AHNAK2: variants seen among roughly 807,000 people sequenced by gnomAD.
The protein encoded by AHNAK2 is AHNAK nucleoprotein 2.
A neutral mutation model predicts 30.7 loss-of-function variants in AHNAK2; 18 were observed. The observed-to-expected ratio is 0.59, with a 90% CI of 0.41 to 0.87. The LOEUF (loss-of-function observed/expected upper bound fraction) is 0.87, where lower values mean the gene tolerates loss of function less well. Among genes scored for constraint, AHNAK2 ranks in the 40% least tolerant of loss-of-function variants. AHNAK2 has a pLI of 0.00. For missense variants in AHNAK2, 8,604 were observed against 7,373.0 expected (o/e 1.17, Z -6.11); for synonymous variants, 3,590 against 3,073.8 (o/e 1.17, Z -5.56).
At chr14:104,971,121 A>G (rs1482685272) in intron 1 of AHNAK2, among the ~76,000 whole-genome samples, 1 of 151,992 alleles carries the variant, frequency 6.6e-6, no homozygotes, top group Non-Finnish European at 1.5e-5. Flanking sequence ...GGGGCTCAGG[A>G]AGCAGCATTT....
Position 104,942,723 on chromosome 14 carries a change from A to G in AHNAK2, c.12728T>C (p.Leu4243Pro). Residue 4243 changes from leucine (L) to proline (P), a missense_variant, in exon 7 of 7, where the codon CTG (leucine) becomes CCG (proline). Physicochemically the swap from Leu to Pro is moderately conservative, Grantham distance 98. Transcript: ENST00000333244. Reference sequence around the variant, plus strand: ...ATCCGCCTTGGGGCCTTTCAGGTCCAGCTTGGGGCCCTTGACATCCACCTG... The same window carrying G: ...ATCCGCCTTGGGGCCTTTCAGGTCCGGCTTGGGGCCCTTGACATCCACCTG... The part of the protein sequence containing the change: ...GPQVDVKGPK[L>P]DLKGPKADVM... 1.2e-6 allele frequency: 2 copies of G among 1,613,230 alleles called. No individual in the cohort carries two copies. The highest frequency in any genetic ancestry group is 1.7e-6 in the Non-Finnish European group (2 of 1,179,672).
In AHNAK2 at chr14:104,947,493, A is replaced by G. The variant is rs1425450777; in HGVS notation, c.7958T>C (p.Phe2653Ser). 2.5e-6 allele frequency: 4 copies of G among 1,612,198 alleles called. No individual in the cohort carries two copies. Among genetic ancestry groups the G allele is most frequent in the Non-Finnish European group, 3.4e-6 (4 of 1,179,520 alleles). The part of the protein sequence containing the change: ...AKDSKFKMPK[F>S]KMPSFRVSAP... Reference sequence around the variant, plus strand: ...CGACACCCTGAATGATGGCATCTTGAACTTGGGCATTTTGAACTTGCTATC... The same window carrying G: ...CGACACCCTGAATGATGGCATCTTGGACTTGGGCATTTTGAACTTGCTATC... Residue 2653 changes from phenylalanine to serine, a missense_variant, in exon 7 of 7, where the codon TTC becomes TCC. Transcript: ENST00000333244.
In AHNAK2 at chr14:104,943,220, C is replaced by G; in HGVS notation, c.12231G>C (p.Lys4077Asn). The change falls in exon 7 of 7, where the codon AAG (lysine) becomes AAC (asparagine). Residue 4077 changes from lysine (K) to asparagine (N), a missense_variant. Coordinates refer to ENST00000333244, the MANE Select transcript of AHNAK2 (RefSeq NM_138420.4). Reference sequence around the variant, plus strand: ...CCGCCTTGGGGCCTTTCAGGTCCAGCTTGGGGCCCTTAACATCTATCTGGG... The same window carrying G: ...CCGCCTTGGGGCCTTTCAGGTCCAGGTTGGGGCCCTTAACATCTATCTGGG... ...KGPQIDVKGP[K>N]LDLKGPKAEV... The G allele has an allele frequency of 1.2e-6, 2 of 1,613,162 alleles. No homozygotes were observed. Among genetic ancestry groups the G allele is most frequent in the Non-Finnish European group, 1.7e-6 (2 of 1,179,606 alleles).
rs773406298 is a variant in AHNAK2 at position 104,940,551 on chromosome 14, G to A, written c.14900C>T (p.Pro4967Leu). ...KIKLPSFRWS[P>L]KKETGPKVDP... The stretch of plus-strand genomic sequence containing the variant: ...CACCTTTGGCCCTGTTTCCTTCTTC[G>A]GGGACCACCTAAATGATGGAAGCTT... Residue 4967 changes from proline (P) to leucine (L), a missense_variant, in exon 7 of 7, where the codon CCG (proline) becomes CTG (leucine). By Grantham distance (98) the Pro-to-Leu change is moderately conservative (BLOSUM62 -3). Coordinates refer to ENST00000333244, the MANE Select transcript of AHNAK2 (RefSeq NM_138420.4). The surrounding 1 kb of genome is among the most constrained non-coding windows in gnomAD (Gnocchi z 4.4). The A allele has an allele frequency of 1.2e-5, 20 of 1,613,486 alleles. No individual in the cohort carries two copies. The highest frequency in any genetic ancestry group is 5.0e-5 in the Admixed American group (3 of 59,996).
chr14:104,977,819 G>C (rs1899634054), intron 1 of AHNAK2, among the ~76,000 whole-genome samples: 2 of 152,286 alleles, frequency 1.3e-5, no homozygotes, highest in South Asian at 2.1e-4. Flanking sequence ...GCCGCCTCTC[G>C]ACCAGACAGC....
rs1448652636 is a variant in AHNAK2 at position 104,940,711 on chromosome 14, G to A, written c.14740C>T (p.Pro4914Ser). 6.2e-7 allele frequency: 1 copy of A among 1,612,958 alleles called. No homozygotes were observed. The highest frequency in any genetic ancestry group is 1.7e-5 in the Admixed American group (1 of 60,018). Residue 4914 changes from proline (P) to serine (S), a missense_variant, in exon 7 of 7, where the codon CCA (proline) becomes TCA (serine). By Grantham distance (74) the Pro-to-Ser change is moderately conservative. Transcript: ENST00000333244. This position sits in a 1 kb window ranked among gnomAD's most constrained non-coding sequence, Gnocchi z 4.4. Reference sequence around the variant, plus strand: ...GGGCCCTGAGACACACAGGTGCCTGGGGATGGCAGCTGGGTGCTTGGCAAG... The same window carrying A: ...GGGCCCTGAGACACACAGGTGCCTGAGGATGGCAGCTGGGTGCTTGGCAAG... ...CPLPSTQLPS[P>S]GTCVSQGPEE...
rs150499924 is a variant in AHNAK2, at chr14:104,942,647, G to A, written c.12804C>T (p.Val4268=). 2,208 of 1,613,406 alleles carry A rather than the reference G, an allele frequency of 1.4e-3. 30 individuals carry two copies. The African/African-American group carries it at 0.024, about 18-fold the overall frequency. Residue 4268 remains valine (V), a synonymous_variant, in exon 7 of 7, where the codon GTC becomes GTT. Coordinates refer to ENST00000333244, the MANE Select transcript of AHNAK2 (RefSeq NM_138420.4). ...TGTCCAGCTTGGCTCCCGGGGCCTC[G>A]ACGTCCACCTCCATGCTGGGCAGAG... ...EVSLPSMEVD[V]EAPGAKLDSV... is the part of the protein sequence containing the mutation.
rs1160039011 is a variant in AHNAK2 at position 104,945,866 on chromosome 14, G to T, written c.9585C>A (p.Pro3195=). 1 of 1,338,814 alleles carries T rather than the reference G, an allele frequency of 7.5e-7. No individual in the cohort carries two copies. The highest frequency in any genetic ancestry group is 1.0e-6 in the Non-Finnish European group (1 of 961,372). The allele number at this position is 1,338,814 out of a possible 1,614,324, so 82.9% of individuals were successfully genotyped here. A position where few individuals can be genotyped will look rare whatever the true frequency, so the allele number is the denominator to read the frequency against. ...CCTGGACCTCCAGTTGGGCAGAGGGGGGCTCAATGCTGATGTCAGTGTTCT... is the reference window on the plus strand; with the variant it reads ...CCTGGACCTCCAGTTGGGCAGAGGGTGGCTCAATGCTGATGTCAGTGTTCT... ...DLKNTDISIE[P]PSAQLEVQAG... The change falls in exon 7 of 7, where the codon CCC becomes CCA. Residue 3195 remains proline (P), a synonymous_variant. Coordinates refer to ENST00000333244, the MANE Select transcript of AHNAK2 (RefSeq NM_138420.4).
Position 104,946,353 on chromosome 14 carries a change from G to T in AHNAK2, c.9098C>A (p.Ala3033Asp), listed in dbSNP as rs1448576979. ...TTDISIEPPS[A>D]QLEVQAGQVD... ...CTGGCCAGCCTGGACCTCCAGTTGG[G>T]CAGAGGGGGGCTCAATGCTGATGTC... Residue 3033 changes from alanine to aspartate, a missense_variant, in exon 7 of 7, where the codon GCC (alanine) becomes GAC (aspartate). Transcript: ENST00000333244. 2 of 1,612,364 alleles carry T rather than the reference G, an allele frequency of 1.2e-6. No homozygotes were observed. The highest frequency in any genetic ancestry group is 1.7e-6 in the Non-Finnish European group (2 of 1,179,442).
At chr14:104,970,360 C>A in intron 1 of AHNAK2, 1 of 941,586 alleles carries the variant, frequency 1.1e-6, no homozygotes, top group East Asian at 1.2e-4. Flanking sequence ...CAGCTCTGTT[C>A]CTCCAGCCCC....
intron 1 of AHNAK2, among the ~76,000 whole-genome samples, chr14:104,974,899 C>T (rs1899558501): frequency 6.6e-6 from 1 of 152,198 alleles, no homozygotes; most frequent in Non-Finnish European, 1.5e-5. Context: ...GCCTTTCCTC[C>T]CCAGCACCTA....
chr14:104,957,722 T>A, intron 1 of AHNAK2, 50 bp from the exon 2 acceptor site: 1 of 1,572,516 alleles, frequency 6.4e-7, no homozygotes, highest in South Asian at 1.2e-5. Context: ...GGGGAGCAGA[T>A]CGGGGCCCGG....
Position 104,944,476 on chromosome 14 carries a change from C to G in AHNAK2, c.10975G>C (p.Ala3659Pro), listed in dbSNP as rs757625881. 2.5e-6 allele frequency: 4 copies of G among 1,613,326 alleles called. No homozygotes were observed. The highest frequency in any genetic ancestry group is 3.4e-6 in the Non-Finnish European group (4 of 1,179,684). The change falls in exon 7 of 7, where the codon GCC becomes CCC. Residue 3659 changes from alanine (A) to proline (P), a missense_variant. By Grantham distance (27) the Ala-to-Pro change is conservative. Coordinates refer to ENST00000333244, the MANE Select transcript of AHNAK2 (RefSeq NM_138420.4). The stretch of plus-strand genomic sequence containing the variant: ...TTGGGTGCAGACACATCCACCGAGG[C>G]CTCCATGGACTTCCCTGGGGCCGAT... ...RVSAPGKSMEASVDVSAPKVE... is the reference protein window; with the variant it reads ...RVSAPGKSMEPSVDVSAPKVE...
rs34605366 is a variant in AHNAK2, at chr14:104,950,030, A to C, written c.5421T>G (p.Gly1807=). ...CATCCTTGTCGGCCAGGGACAGGTC[A>C]CCCTCCAGCCGCACACTGTCCAGCT... The part of the protein sequence containing the change: ...GAKLDSVRLE[G]DLSLADKDVT... The change falls in exon 7 of 7, where the codon GGT becomes GGG. Residue 1807 remains glycine, a synonymous_variant. Coordinates refer to ENST00000333244, the MANE Select transcript of AHNAK2 (RefSeq NM_138420.4). 1.7e-3 allele frequency: 2,676 copies of C among 1,552,166 alleles called. 402 individuals are homozygous for C. Among genetic ancestry groups the C allele is most frequent in the African/African-American group, 0.012 (797 of 67,602 alleles).
rs765208629 is a variant in AHNAK2 at position 104,940,070 on chromosome 14, C to T, written c.15381G>A (p.Leu5127=). Reference sequence around the variant, plus strand: ...ATCCTCTGCTGTCACCTTCGGTAGACAGATCATGTTTGGGAAGAGGCAGGT... The same window carrying T: ...ATCCTCTGCTGTCACCTTCGGTAGATAGATCATGTTTGGGAAGAGGCAGGT... ...EADLPLPKHD[L]STEGDSRGCG... is the part of the protein sequence containing the mutation. The change falls in exon 7 of 7, where the codon CTG becomes CTA. Residue 5127 remains leucine, a synonymous_variant. Coordinates refer to ENST00000333244, the MANE Select transcript of AHNAK2 (RefSeq NM_138420.4). This position sits in a 1 kb window ranked among gnomAD's most constrained non-coding sequence, Gnocchi z 4.4. 1.9e-6 allele frequency: 3 copies of T among 1,611,680 alleles called. No individual in the cohort carries two copies. The highest frequency in any genetic ancestry group is 2.5e-6 in the Non-Finnish European group (3 of 1,178,498).
At position 104,940,737 on chromosome 14, in the gene AHNAK2, G is replaced by A. The variant is rs984092656; in HGVS notation, c.14714C>T (p.Pro4905Leu). ...GGATGGCAGCTGGGTGCTTGGCAAGGGGCACTGCACTCTTTCTCCAGGGCT... is the reference window on the plus strand; with the variant it reads ...GGATGGCAGCTGGGTGCTTGGCAAGAGGCACTGCACTCTTTCTCCAGGGCT... ...PLSPGERVQC[P>L]LPSTQLPSPG... The change falls in exon 7 of 7, where the codon CCC (proline) becomes CTC (leucine). Residue 4905 changes from proline (P) to leucine (L), a missense_variant. Coordinates refer to ENST00000333244, the MANE Select transcript of AHNAK2 (RefSeq NM_138420.4). The surrounding 1 kb of genome is among the most constrained non-coding windows in gnomAD (Gnocchi z 4.4). 1 of 1,612,876 alleles carries A rather than the reference G, an allele frequency of 6.2e-7. No individual in the cohort carries two copies. Among genetic ancestry groups the A allele is most frequent in the Admixed American group, 1.7e-5 (1 of 60,022 alleles).
rs752075249 is a variant in AHNAK2, at chr14:104,939,178, A to G, written c.16273T>C (p.Cys5425Arg). The change falls in exon 7 of 7, where the codon TGT (cysteine) becomes CGT (arginine). Residue 5425 changes from cysteine (C) to arginine (R), a missense_variant. Coordinates refer to ENST00000333244, the MANE Select transcript of AHNAK2 (RefSeq NM_138420.4). ...CPEANIDTALCKESPGLWGAS... is the reference protein window; with the variant it reads ...CPEANIDTALRKESPGLWGAS... Reference sequence around the variant, plus strand: ...CCCCAGAGCCCCGGACTTTCCTTACAAAGGGCTGTATCAATATTGGCCTCT... The same window carrying G: ...CCCCAGAGCCCCGGACTTTCCTTACGAAGGGCTGTATCAATATTGGCCTCT... 52 of 1,613,346 alleles carry G rather than the reference A, an allele frequency of 3.2e-5. No homozygotes were observed. Among genetic ancestry groups the G allele is most frequent in the South Asian group, 1.9e-4 (17 of 91,038 alleles).
chr14:104,941,524 T>A lies in AHNAK2; in HGVS notation c.13927A>T (p.Lys4643Ter). The A allele has an allele frequency of 1.2e-6, 2 of 1,613,022 alleles. No individual in the cohort carries two copies. Among genetic ancestry groups the A allele is most frequent in the Non-Finnish European group, 1.7e-6 (2 of 1,179,858 alleles). The part of the protein sequence containing the change: ...LSTSGFEWSS[K>*]KVSMSSSEIE... ...TCAGAGGAAGACATGGAAACTTTCT[T>A]TGACGACCATTCAAAACCAGACGTG... The change falls in exon 7 of 7, where the codon AAG becomes TAG. Residue 4643 changes from lysine to a stop codon, truncating the protein, a stop_gained. Transcript: ENST00000333244. LOFTEE classifies it low-confidence loss of function (END_TRUNC).
Position 104,942,011 on chromosome 14 carries a change from C to T in AHNAK2, c.13440G>A (p.Lys4480=), listed in dbSNP as rs775887718. The T allele has an allele frequency of 3.7e-6, 6 of 1,613,402 alleles. No homozygotes were observed. The highest frequency in any genetic ancestry group is 5.1e-6 in the Non-Finnish European group (6 of 1,179,716). Residue 4480 remains lysine (K), a synonymous_variant, in exon 7 of 7, where the codon AAG becomes AAA. Coordinates refer to ENST00000333244, the MANE Select transcript of AHNAK2 (RefSeq NM_138420.4). ...MPSFGMLSPG[K]SIEVSVDVSA... ...ACACATCCACCGAGACCTCGATGGA[C>T]TTGCCTGGGGACAACATCCCAAAGG...
Sources: allele counts gnomAD v4.1 joint callset (sites outside exome capture counted in the v4.1 genomes callset), GRCh38; gene constraint gnomAD v4.1.1; non-coding constraint Gnocchi (gnomAD v3.1); transcripts MANE v1.5; gene names NCBI Gene and HGNC (gene_info 2026-07-23, HGNC 2026-07-21).